The following TMEM132D variants were observed in gnomAD, a reference collection of about 807,000 sequenced individuals.
TMEM132D encodes transmembrane protein 132D, also known as mature OL transmembrane protein.
A neutral mutation model predicts 62.3 loss-of-function variants in TMEM132D; 21 were observed. The ratio of observed to expected loss-of-function variants is 0.34; its 90% CI spans 0.24 to 0.49. The LOEUF is 0.49. TMEM132D is among the 20% of genes least tolerant of loss of function. TMEM132D has a pLI of 0.99. For missense variants in TMEM132D, 1,346 were observed against 1,402.8 expected (o/e 0.96, Z 0.65); for synonymous variants, 621 against 575.6 (o/e 1.08, Z -1.13).
At chr12:129,542,447 G>C (rs1237800818) in intron 2 of TMEM132D, among the ~76,000 whole-genome samples, 1 of 147,754 alleles carries the variant, frequency 6.8e-6, no homozygotes, top group Non-Finnish European at 1.5e-5. Context: ...GATGTCTTTT[G>C]GGAGGTTGTT....
chr12:129,562,211 C>A (rs1877254249), intron 2 of TMEM132D, among the ~76,000 whole-genome samples: 1 of 152,108 alleles, frequency 6.6e-6, no homozygotes, highest in Non-Finnish European at 1.5e-5. Context: ...GGATTTTCAT[C>A]ATTTCACCAG....
chr12:129,197,338 G>A (rs1019169622), intron 5 of TMEM132D, among the ~76,000 whole-genome samples: 1 of 152,152 alleles, frequency 6.6e-6, no homozygotes, highest in Non-Finnish European at 1.5e-5. Context: ...GAGCGATAGA[G>A]CAAGATAGAA....
chr12:129,769,648 A>G (rs1013073941), intron 1 of TMEM132D, among the ~76,000 whole-genome samples: 5 of 152,166 alleles, frequency 3.3e-5, no homozygotes, highest in African/African-American at 1.2e-4. Context: ...CTCTCAGGAA[A>G]AGAGAGTCTT....
intron 1 of TMEM132D, among the ~76,000 whole-genome samples, chr12:129,854,198 G>A (rs1220938048): frequency 6.6e-6 from 1 of 152,132 alleles, no homozygotes; most frequent in Non-Finnish European, 1.5e-5. Flanking sequence ...GGTCCCTGGG[G>A]ACACAAAACG....
chr12:129,688,430 C>G (rs1880982325), intron 2 of TMEM132D, among the ~76,000 whole-genome samples: 1 of 152,112 alleles, frequency 6.6e-6, no homozygotes, highest in Non-Finnish European at 1.5e-5. Flanking sequence ...TCAGATGGTC[C>G]TAATGAGCCA....
chr12:129,161,806 C>T (rs1481245802), intron 5 of TMEM132D, among the ~76,000 whole-genome samples: 1 of 152,166 alleles, frequency 6.6e-6, no homozygotes, highest in Non-Finnish European at 1.5e-5. Context: ...GAGAGTGGAG[C>T]ATTGAAAACG....
chr12:129,794,353 C>T (rs1012022194), intron 1 of TMEM132D, among the ~76,000 whole-genome samples: 32 of 151,048 alleles, frequency 2.1e-4, no homozygotes, highest in African/African-American at 7.6e-4. Flanking sequence ...CAACCCACCT[C>T]GGCCTCCCAG....
chr12:129,811,274 G>A (rs1385653820), intron 1 of TMEM132D, among the ~76,000 whole-genome samples: 1 of 151,624 alleles, frequency 6.6e-6, no homozygotes, highest in African/African-American at 2.4e-5. Flanking sequence ...GTGAGTGTCA[G>A]GGATGGGGTG....
intron 2 of TMEM132D, among the ~76,000 whole-genome samples, chr12:129,638,491 TTA>T (rs990584316): frequency 8.4e-5 from 4 of 47,580 alleles, no homozygotes; most frequent in Non-Finnish European, 1.5e-4. Context: ...GTGTGATTTT[TTA>T]TATATATAAA....
At chr12:129,447,650 G>T (rs1873140040) in intron 3 of TMEM132D, among the ~76,000 whole-genome samples, 1 of 152,188 alleles carries the variant, frequency 6.6e-6, no homozygotes, top group African/African-American at 2.4e-5. Flanking sequence ...AAGGTTCATT[G>T]CTATCTAAAT....
chr12:129,585,134 T>G (rs998225198), intron 2 of TMEM132D, among the ~76,000 whole-genome samples: 6 of 152,238 alleles, frequency 3.9e-5, no homozygotes, highest in African/African-American at 9.6e-5. Context: ...ATTATCATTT[T>G]CATTAGGAAT....
intron 2 of TMEM132D, among the ~76,000 whole-genome samples, chr12:129,662,338 T>G (rs1880257968): frequency 6.6e-6 from 1 of 152,184 alleles, no homozygotes; most frequent in Non-Finnish European, 1.5e-5. Flanking sequence ...TATTACCTGT[T>G]CCACCTCCAA....
At chr12:129,806,696 T>C (rs1389885601) in intron 1 of TMEM132D, among the ~76,000 whole-genome samples, 2 of 150,846 alleles carry the variant, frequency 1.3e-5, no homozygotes, top group African/African-American at 2.4e-5. Flanking sequence ...AGCATAATAA[T>C]AAAAGAAAAA....
At chr12:129,177,863 C>A (rs1380497113) in intron 5 of TMEM132D, among the ~76,000 whole-genome samples, 1 of 152,168 alleles carries the variant, frequency 6.6e-6, no homozygotes, top group Non-Finnish European at 1.5e-5. Context: ...CAGATCATCC[C>A]ATCACCTAGC....
chr12:129,903,176 C>A lies in TMEM132D; in HGVS notation c.79+85G>T. ...ACACTTGCACACGAGCCCTCTCTCC[C>A]GGCCGCCCCCATCCTCCACACACTC... On this transcript the variant is annotated intron_variant, in intron 1 of 8. Transcript: ENST00000422113. This position sits in a 1 kb window ranked among gnomAD's most constrained non-coding sequence, Gnocchi z 6.2. 23 of 1,409,160 alleles carry A rather than the reference C, an allele frequency of 1.6e-5. No individual in the cohort carries two copies. The highest frequency in any genetic ancestry group is 2.2e-5 in the Non-Finnish European group (23 of 1,023,690). 87.3% of individuals were successfully genotyped at this position (1,409,160 alleles called of 1,614,324 possible). A position where few individuals can be genotyped will look rare whatever the true frequency, so the allele number is the denominator to read the frequency against.
Position 129,388,628 on chromosome 12 carries a change from A to T in TMEM132D, c.1116-50811T>A, listed in dbSNP as rs1237829776. Among the ~76,000 whole-genome samples, 3 of 127,840 alleles carry T rather than the reference A, an allele frequency of 2.3e-5. 1 individual carries two copies. Among genetic ancestry groups the T allele is most frequent in the Non-Finnish European group, 5.5e-5 (3 of 54,924 alleles). 83.9% of individuals were successfully genotyped at this position (127,840 alleles called of 152,430 possible). ...CAACACCAATCCAGCACTGATGATA[A>T]TATTAACACTAACACTCATCCTAAT... On this transcript the variant is annotated intron_variant, in intron 3 of 8. Transcript: ENST00000422113.
chr12:129,245,435 CCA>C (rs140591653), intron 4 of TMEM132D, among the ~76,000 whole-genome samples: 1,539 of 152,166 alleles, frequency 0.01, 26 homozygotes, highest in African/African-American at 0.035. Flanking sequence ...TATGTATGTA[CCA>C]CAGTTTATTT....
intron 2 of TMEM132D, among the ~76,000 whole-genome samples, chr12:129,699,055 A>T (rs1881306392): frequency 6.6e-6 from 1 of 152,204 alleles, no homozygotes; most frequent in African/African-American, 2.4e-5. Context: ...TCTACTAAAC[A>T]GCTGTTGTAA....
intron 3 of TMEM132D, among the ~76,000 whole-genome samples, chr12:129,414,785 C>G (rs902860872): frequency 6.6e-6 from 1 of 152,312 alleles, no homozygotes; most frequent in South Asian, 2.1e-4. Context: ...TTGCTGGACA[C>G]TTTGACGAGC....
Sources: gnomAD v4.1 joint callset for allele counts (sites outside exome capture counted in the v4.1 genomes callset) on GRCh38, gnomAD v4.1.1 for gene constraint, Gnocchi (gnomAD v3.1) non-coding constraint, MANE v1.5 for transcripts, NCBI Gene and HGNC (gene_info 2026-07-23, HGNC 2026-07-21) for gene names.